RSF1: variants seen among roughly 807,000 people sequenced by gnomAD.
RSF1 encodes the protein HBV pX-associated protein 8.
A neutral mutation model predicts 145.2 loss-of-function variants in RSF1; 13 were observed. The ratio of observed to expected loss-of-function variants is 0.09; its 90% CI spans 0.06 to 0.14. The LOEUF (loss-of-function observed/expected upper bound fraction) is 0.14. Ranked by LOEUF, RSF1 falls within the 10% of genes least tolerant of loss-of-function variation. RSF1 has a pLI of 1.00. For synonymous variants in RSF1, 577 were observed against 592.6 expected (o/e 0.97, Z 0.38); for missense variants, 1,517 against 1,718.2 (o/e 0.88, Z 2.07).
intron 1 of RSF1, among the ~76,000 whole-genome samples, chr11:77,768,408 C>T (rs1948248768): frequency 6.6e-6 from 1 of 152,170 alleles, no homozygotes; most frequent in Non-Finnish European, 1.5e-5. Flanking sequence ...TGATCTCCCG[C>T]CTCGGCCTCC....
Position 77,693,643 on chromosome 11 carries a change from A to G in RSF1, c.2716-32T>C, listed in dbSNP as rs956252187. Reference sequence around the variant, plus strand: ...TAACCACACTGATGTCAACCTAACTATGACTAAAATTCAATGACTCTTAGG... The same window carrying G: ...TAACCACACTGATGTCAACCTAACTGTGACTAAAATTCAATGACTCTTAGG... On this transcript the variant is annotated intron_variant, in intron 7 of 15. Transcript: ENST00000308488. The G allele has an allele frequency of 6.8e-5, 101 of 1,479,658 alleles. No individual in the cohort carries two copies. In the East Asian group the frequency reaches 2.2e-3, roughly 33 times the overall value. 91.7% of individuals were successfully genotyped at this position (1,479,658 alleles called of 1,614,324 possible). A position where few individuals can be genotyped will look rare whatever the true frequency, so the allele number is the denominator to read the frequency against.
chr11:77,757,219 T>C (rs1948124857), intron 2 of RSF1, among the ~76,000 whole-genome samples: 1 of 152,200 alleles, frequency 6.6e-6, no homozygotes, highest in Non-Finnish European at 1.5e-5. Context: ...CAGTTCTTTA[T>C]GCTAGAGCCC....
At chr11:77,712,395 A>G (rs2135868738) in intron 5 of RSF1, among the ~76,000 whole-genome samples, 1 of 152,276 alleles carries the variant, frequency 6.6e-6, no homozygotes, top group Non-Finnish European at 1.5e-5. Flanking sequence ...TTTCCTTTAT[A>G]AATTACCCAG....
chr11:77,793,656 C>G (rs1228441546), intron 1 of RSF1, among the ~76,000 whole-genome samples: 1 of 152,158 alleles, frequency 6.6e-6, no homozygotes, highest in Non-Finnish European at 1.5e-5. Flanking sequence ...TGAGGGTGAT[C>G]TGGCTGCGAC....
intron 4 of RSF1, among the ~76,000 whole-genome samples, chr11:77,730,358 T>C (rs1961173433): frequency 6.6e-6 from 1 of 152,210 alleles, no homozygotes; most frequent in African/African-American, 2.4e-5. Context: ...TGTCAAACCA[T>C]TATCAATTTT....
chr11:77,719,584 G>T (rs574464537), intron 5 of RSF1, among the ~76,000 whole-genome samples: 1 of 152,220 alleles, frequency 6.6e-6, no homozygotes, highest in East Asian at 1.9e-4. Context: ...TTTAGATGTC[G>T]ACAGCAACTT....
chr11:77,790,646 C>T (rs1948507676), intron 1 of RSF1, among the ~76,000 whole-genome samples: 1 of 152,152 alleles, frequency 6.6e-6, no homozygotes, highest in Non-Finnish European at 1.5e-5. Flanking sequence ...TTCCTAGATA[C>T]AATGGGGGTG....
At chr11:77,691,964 TA>T (rs2135839884) in intron 8 of RSF1, among the ~76,000 whole-genome samples, 1 of 152,216 alleles carries the variant, frequency 6.6e-6, no homozygotes, top group South Asian at 2.1e-4. Flanking sequence ...AATCTTGGCT[TA>T]CCGCAACCTC....
intron 10 of RSF1, 101 bp downstream of exon 10, chr11:77,684,988 GAAATAAATAAATAAAT>G (rs112115163): frequency 3.9e-5 from 18 of 459,602 alleles, no homozygotes; most frequent in Middle Eastern, 6.2e-4. Context: ...ACTCCATCTC[GAAATAAATAAATAAAT>G]AAATAAATAA....
chr11:77,682,701 T>G (rs189201992), intron 11 of RSF1, among the ~76,000 whole-genome samples: 4 of 152,358 alleles, frequency 2.6e-5, no homozygotes, highest in Non-Finnish European at 1.5e-5. Flanking sequence ...CTTACCTTCA[T>G]GCTAACAATC....
chr11:77,863,203 C>T, the RSF1 span, among the ~76,000 whole-genome samples: 34,893 of 152,020 alleles, frequency 0.23, 4,112 homozygotes, highest in Middle Eastern at 0.25. Flanking sequence ...TTGATTAGGA[C>T]GAACCCGGGC....
the RSF1 span, among the ~76,000 whole-genome samples, chr11:77,866,191 AAGAC>A: frequency 2.0e-5 from 3 of 152,362 alleles, no homozygotes; most frequent in South Asian, 2.1e-4. Flanking sequence ...AGAAATGTTC[AAGAC>A]AGACAGGATG....
At position 77,672,807 on chromosome 11, in the gene RSF1, C is replaced by T. The variant is rs183155205; in HGVS notation, c.3563-577G>A. On this transcript the variant is annotated intron_variant, in intron 14 of 15. Coordinates refer to ENST00000308488, the MANE Select transcript of RSF1 (RefSeq NM_016578.4). Reference sequence around the variant, plus strand: ...AAGCAATTCCCCTGCCTCAGCCTTCCGAGTAGCTGGGACTACAGGTACCCG... The same window carrying T: ...AAGCAATTCCCCTGCCTCAGCCTTCTGAGTAGCTGGGACTACAGGTACCCG... Among the ~76,000 whole-genome samples the T allele has an allele frequency of 1.9e-3, 284 of 152,218 alleles. 2 individuals are homozygous for T. The highest frequency in any genetic ancestry group is 6.4e-3 in the African/African-American group (265 of 41,518).
chr11:77,769,824 T>C (rs1322214603), intron 1 of RSF1, among the ~76,000 whole-genome samples: 1 of 152,248 alleles, frequency 6.6e-6, no homozygotes, highest in Non-Finnish European at 1.5e-5. Flanking sequence ...CAATAAAGTC[T>C]TCTACTTAAA....
chr11:77,818,776 C>T (rs1948806772), intron 1 of RSF1, among the ~76,000 whole-genome samples: 1 of 151,724 alleles, frequency 6.6e-6, no homozygotes, highest in South Asian at 2.1e-4. Flanking sequence ...GAGACTCCGT[C>T]TCAAAAAACA....
intron 1 of RSF1, among the ~76,000 whole-genome samples, chr11:77,790,810 G>A (rs778404100): frequency 2.0e-5 from 3 of 152,276 alleles, no homozygotes; most frequent in Non-Finnish European, 2.9e-5. Context: ...TACAGGTCAC[G>A]CTGATGCAAA....
At chr11:77,721,361 T>C (rs1365832846) in intron 5 of RSF1, among the ~76,000 whole-genome samples, 2 of 152,172 alleles carry the variant, frequency 1.3e-5, no homozygotes, top group African/African-American at 4.8e-5. Flanking sequence ...AGAATCATAT[T>C]TATTTGGTCT....
chr11:77,661,460 T>TGC lies in RSF1; in HGVS notation c.*5456_*5457insGC, dbSNP rs1959232370. 6.6e-6 allele frequency: 1 copy of TGC among 152,030 alleles called. No homozygotes were observed. The highest frequency in any genetic ancestry group is 1.5e-5 in the Non-Finnish European group (1 of 67,990). 9.4% of individuals were successfully genotyped at this position (152,030 alleles called of 1,614,324 possible). ...AGATGTGTGTGTGTGTGTGTGTGTG[T>TGC]GTGCAATTTTCATGCAGTGACCTTA... On this transcript the variant is annotated 3_prime_UTR_variant, in exon 16 of 16. Coordinates refer to ENST00000308488, the MANE Select transcript of RSF1 (RefSeq NM_016578.4).
intron 1 of RSF1, among the ~76,000 whole-genome samples, chr11:77,766,628 A>C (rs1948228882): frequency 1.3e-5 from 2 of 152,206 alleles, no homozygotes; most frequent in African/African-American, 2.4e-5. Context: ...CTTGCACAAA[A>C]ACAACAGATG....
Sources: allele counts gnomAD v4.1 joint callset (sites outside exome capture counted in the v4.1 genomes callset), GRCh38; gene constraint gnomAD v4.1.1; transcripts MANE v1.5; gene names NCBI Gene and HGNC (gene_info 2026-07-23, HGNC 2026-07-21).